The following ACACB variants were observed in gnomAD, a reference collection of about 807,000 sequenced individuals.
ACACB encodes acetyl-CoA carboxylase 2.
Under a neutral mutation model 278.8 loss-of-function variants are expected in ACACB, and 209 were observed. The ratio of observed to expected loss-of-function variants is 0.75; its 90% CI spans 0.67 to 0.84. The LOEUF (loss-of-function observed/expected upper bound fraction) is 0.84. Among genes scored for constraint, ACACB ranks in the 40% least tolerant of loss-of-function variants. ACACB has a pLI of 0.00. For missense variants in ACACB, 2,850 were observed against 3,269.0 expected, an observed-to-expected ratio of 0.87 and a Z score of 3.13; for synonymous variants, 1,174 against 1,285.6, an observed-to-expected ratio of 0.91 and a Z score of 1.86.
At chr12:109,158,561 A>C (rs948633674) in intron 2 of ACACB, among the ~76,000 whole-genome samples, 2 of 152,230 alleles carry the variant, frequency 1.3e-5, no homozygotes, top group Admixed American at 1.3e-4. Context: ...CTGCAGTCCC[A>C]GCTACTCAGG....
At chr12:109,227,094 G>A (rs542336255) in intron 27 of ACACB, among the ~76,000 whole-genome samples, 1 of 152,196 alleles carries the variant, frequency 6.6e-6, no homozygotes, top group Admixed American at 6.5e-5. Flanking sequence ...GGGACTACAG[G>A]CGCCTGCCAC....
intron 1 of ACACB, among the ~76,000 whole-genome samples, chr12:109,120,539 G>GTGCATGTGTGTATGCA (rs1181425166): frequency 1.3e-5 from 2 of 152,138 alleles, no homozygotes; most frequent in Admixed American, 6.5e-5. Context: ...GGGTGTGTGT[G>GTGCATGTGTGTATGCA]TGCATGTGTG....
intron 11 of ACACB, among the ~76,000 whole-genome samples, chr12:109,182,955 C>G (rs1449012501): frequency 2.0e-5 from 3 of 152,146 alleles, no homozygotes; most frequent in Non-Finnish European, 2.9e-5. Flanking sequence ...AGTCTTTAGT[C>G]TATTTTGATT....
intron 4 of ACACB, among the ~76,000 whole-genome samples, chr12:109,170,065 C>T (rs1430589165): frequency 1.3e-5 from 2 of 152,170 alleles, no homozygotes; most frequent in African/African-American, 4.8e-5. Flanking sequence ...TGCTCAGTGG[C>T]TGTTCTCTGA....
intron 31 of ACACB, among the ~76,000 whole-genome samples, chr12:109,235,040 G>A (rs1259736263): frequency 6.6e-6 from 1 of 151,954 alleles, no homozygotes; most frequent in Non-Finnish European, 1.5e-5. Context: ...GAAAAACCCT[G>A]TACCTGTTAG....
At chr12:109,241,838 C>A (rs118069404) in intron 36 of ACACB, 4,864 of 158,438 alleles carry the variant, frequency 0.031, 114 homozygotes, top group South Asian at 0.071. Context: ...ATATACACGC[C>A]ATTTTTTAAA....
At chr12:109,232,140 C>T (rs987432787) in intron 28 of ACACB, among the ~76,000 whole-genome samples, 4 of 152,236 alleles carry the variant, frequency 2.6e-5, no homozygotes, top group Admixed American at 2.6e-4. Flanking sequence ...CCAATTCTAA[C>T]AACCTCAGGT....
intron 1 of ACACB, among the ~76,000 whole-genome samples, chr12:109,130,025 G>A (rs1256774474): frequency 6.6e-6 from 1 of 152,196 alleles, no homozygotes; most frequent in Non-Finnish European, 1.5e-5. Context: ...GGCGAGGCTG[G>A]GTATTTTGCC....
chr12:109,250,035 T>A lies in ACACB; in HGVS notation c.5721T>A (p.Asn1907Lys). Reference protein sequence around the residue: ...IGKDDGLGVENLRGSGMIAGE... With the variant: ...IGKDDGLGVEKLRGSGMIAGE... ...AGGATGATGGCTTGGGCGTGGAGAA[T>A]CTGAGGGGCTCAGGCATGATTGCTG... is the stretch of plus-strand genomic sequence containing the variant. The change falls in exon 41 of 53, where the codon AAT becomes AAA. Residue 1907 changes from asparagine to lysine, a missense_variant. Asn to Lys is a moderately conservative substitution (Grantham distance 94). This residue lies in a region of ACACB where 2,265 missense variants were observed against 2,561.3 expected (regional missense o/e 0.88). Transcript: ENST00000338432. The A allele has an allele frequency of 6.2e-7, 1 of 1,613,664 alleles. No homozygotes were observed. Among genetic ancestry groups the A allele is most frequent in the South Asian group, 1.1e-5 (1 of 90,990 alleles).
chr12:109,159,658 G>A (rs923280504), intron 2 of ACACB, among the ~76,000 whole-genome samples: 2 of 152,078 alleles, frequency 1.3e-5, no homozygotes, highest in Admixed American at 1.3e-4. Context: ...AGTTCTTTGT[G>A]GGGCTGTCCT....
In ACACB at chr12:109,133,847, ATATATATATATATATATTT is replaced by A. The variant is rs1270399214; in HGVS notation, c.-9-5548_-9-5530del. 1.9e-3 allele frequency among the ~76,000 whole-genome samples: 78 copies of A among 41,540 alleles called. 1 individual carries two copies. The highest frequency in any genetic ancestry group is 3.1e-4 in the Non-Finnish European group (7 of 22,266). The allele number at this position is 41,540 out of a possible 152,430, so 27.3% of individuals were successfully genotyped here. A position where few individuals can be genotyped will look rare whatever the true frequency, so the allele number is the denominator to read the frequency against. Reference sequence around the variant, plus strand: ...GCTCAATGTGTGTGCATATATATATATATATATATATATATATTTTTTTTTTTTTTTTTTTCATTTTTTC... The same window carrying A: ...GCTCAATGTGTGTGCATATATATATATTTTTTTTTTTTTTTTCATTTTTTC... On this transcript the variant is annotated intron_variant, in intron 1 of 52. Transcript: ENST00000338432.
chr12:109,167,790 G>A (rs890911331), intron 3 of ACACB, 106 bp from the exon 4 acceptor site: 15 of 1,524,486 alleles, frequency 9.8e-6, no homozygotes, highest in African/African-American at 4.1e-5. Flanking sequence ...GATGTGCTGC[G>A]GGGGCTGCAG....
intron 9 of ACACB, among the ~76,000 whole-genome samples, chr12:109,178,162 A>C (rs1308038528): frequency 6.6e-6 from 1 of 152,226 alleles, no homozygotes; most frequent in Non-Finnish European, 1.5e-5. Context: ...TTACATAGAC[A>C]TTCATACAGT....
rs766666755 is a variant in ACACB, at chr12:109,239,817, C to CA, written c.4663-12dup. The CA allele has an allele frequency of 1.2e-6, 2 of 1,604,196 alleles. No homozygotes were observed. The highest frequency in any genetic ancestry group is 1.7e-6 in the Non-Finnish European group (2 of 1,175,140). On this transcript the variant is annotated splice_polypyrimidine_tract_variant and intron_variant, in intron 34 of 52. Transcript: ENST00000338432. ...CCCTGGCCTGAGCAGCTGCCCCTCC[C>CA]ACTCTTTGGCAGGAAGCCTCCTTCG...
intron 1 of ACACB, among the ~76,000 whole-genome samples, chr12:109,139,124 C>T (rs555677658): frequency 1.3e-5 from 2 of 152,256 alleles, no homozygotes; most frequent in South Asian, 4.1e-4. Context: ...TACTTGGAAT[C>T]GTATAATATG....
chr12:109,235,794 T>A (rs1050056591), intron 33 of ACACB, 147 bp downstream of exon 33: 1 of 673,682 alleles, frequency 1.5e-6, no homozygotes, highest in Non-Finnish European at 2.5e-6. Flanking sequence ...GCTCAGGAGT[T>A]CTAGACCAGC....
At position 109,214,787 on chromosome 12, in the gene ACACB, C is replaced by T. The variant is rs977855932; in HGVS notation, c.3351-1831C>T. Among the ~76,000 whole-genome samples, 3 of 152,130 alleles carry T rather than the reference C, an allele frequency of 2.0e-5. No individual in the cohort carries two copies. The South Asian group carries it at 6.2e-4, about 32-fold the overall frequency. ...TGTGTTCAGATTTTTGGAAGAACATCCAGGTTAAAACTTTGTTTTAAAAGA... is the reference window on the plus strand; with the variant it reads ...TGTGTTCAGATTTTTGGAAGAACATTCAGGTTAAAACTTTGTTTTAAAAGA... On this transcript the variant is annotated intron_variant, in intron 22 of 52. Transcript: ENST00000338432.
chr12:109,237,537 C>T (rs1196486183), intron 34 of ACACB, among the ~76,000 whole-genome samples, 157 bp downstream of exon 34: 2 of 152,092 alleles, frequency 1.3e-5, no homozygotes, highest in African/African-American at 2.4e-5. Context: ...GGGCAGGAGG[C>T]GGACAGCAAA....
rs2047495004 is a variant in ACACB at position 109,265,520 on chromosome 12, C to T, written c.7245C>T (p.Ile2415=). 6.2e-7 allele frequency: 1 copy of T among 1,613,316 alleles called. No individual in the cohort carries two copies. The highest frequency in any genetic ancestry group is 1.3e-5 in the African/African-American group (1 of 74,924). The change falls in exon 52 of 53, where the codon ATC becomes ATT. Residue 2415 remains isoleucine, a synonymous_variant. Transcript: ENST00000338432. ...AGCACGACTCTGTCCTCAAGACCAT[C>T]CGAGGGTGAGTGGCCACCGCACCTG... ...YLKHDSVLKT[I]RGLVEENPEV...
Sources: gnomAD v4.1 joint callset for allele counts (sites outside exome capture counted in the v4.1 genomes callset) on GRCh38, gnomAD v4.1.1 for gene constraint, gnomAD v4.1.1 regional missense constraint, MANE v1.5 for transcripts, NCBI Gene and HGNC (gene_info 2026-07-23, HGNC 2026-07-21) for gene names.